The following VWA3B variants were observed in gnomAD, a reference collection of about 807,000 sequenced individuals.
VWA3B encodes the protein von Willebrand factor A domain containing 3B, also known as von Willebrand factor A domain-containing protein 3B.
In VWA3B, 138 loss-of-function variants were observed where a neutral mutation model predicts 158.3. That is an observed-to-expected ratio of 0.87 (90% CI 0.76 to 1.00). The LOEUF (loss-of-function observed/expected upper bound fraction) is 1.00, where lower values mean the gene tolerates loss of function less well. Among genes scored for constraint, VWA3B ranks in the 50% least tolerant of loss-of-function variants. VWA3B has a pLI of 0.00. For synonymous variants in VWA3B, 596 were observed against 587.3 expected, an observed-to-expected ratio of 1.01 and a Z score of -0.21; for missense variants, 1,555 against 1,565.1, an observed-to-expected ratio of 0.99 and a Z score of 0.11.
intron 21 of VWA3B, among the ~76,000 whole-genome samples, chr2:98,260,544 A>G (rs1687416247): frequency 1.3e-5 from 2 of 151,836 alleles, no homozygotes; most frequent in Non-Finnish European, 3.0e-5. Context: ...AGATGTGTGT[A>G]GGTTATATGC....
chr2:98,276,666 G>T (rs1688543268), intron 22 of VWA3B, among the ~76,000 whole-genome samples: 1 of 147,446 alleles, frequency 6.8e-6, no homozygotes, highest in Non-Finnish European at 1.5e-5. Flanking sequence ...GTTTGGAATG[G>T]GCTGCCCATG....
At chr2:98,260,354 A>G (rs970006850) in intron 21 of VWA3B, among the ~76,000 whole-genome samples, 3 of 151,728 alleles carry the variant, frequency 2.0e-5, no homozygotes, top group South Asian at 4.1e-4. Context: ...TGGCCCCTCC[A>G]TGTATTTGGG....
intron 20 of VWA3B, among the ~76,000 whole-genome samples, chr2:98,251,256 T>C (rs564315351): frequency 1.3e-5 from 2 of 152,206 alleles, no homozygotes; most frequent in Non-Finnish European, 2.9e-5. Context: ...ATCTCATGTT[T>C]CCATGAGATC....
chr2:98,206,428 G>A (rs1404914224), intron 12 of VWA3B: 2 of 283,954 alleles, frequency 7.0e-6, no homozygotes, highest in Non-Finnish European at 1.5e-5. Flanking sequence ...AGGGAGACCA[G>A]GCTGGTTTTT....
chr2:98,238,770 CGTGT>C (rs1363781867), intron 19 of VWA3B, among the ~76,000 whole-genome samples: 2 of 152,040 alleles, frequency 1.3e-5, no homozygotes. Flanking sequence ...TGATATCTTA[CGTGT>C]GTGTATCAGT....
At chr2:98,292,957 CTA>C (rs1234631755) in intron 23 of VWA3B, among the ~76,000 whole-genome samples, 2 of 151,508 alleles carry the variant, frequency 1.3e-5, no homozygotes, top group African/African-American at 4.9e-5. Flanking sequence ...GAGTGAGACT[CTA>C]TCTCCAAAAA....
chr2:98,210,492 C>T (rs1056503322), intron 12 of VWA3B, among the ~76,000 whole-genome samples: 4 of 152,246 alleles, frequency 2.6e-5, no homozygotes, highest in African/African-American at 7.2e-5. Context: ...ATGTCTGGCA[C>T]GTGGTACTTA....
At chr2:98,157,608 T>A (rs1678194657) in intron 7 of VWA3B, among the ~76,000 whole-genome samples, 1 of 152,246 alleles carries the variant, frequency 6.6e-6, no homozygotes, top group Non-Finnish European at 1.5e-5. Context: ...GTTATATCGC[T>A]TTCTGAAAAT....
chr2:98,255,180 A>ATTTTTTTTTTTTTTTTTTTTT, intron 20 of VWA3B, among the ~76,000 whole-genome samples: 1 of 65,932 alleles, frequency 1.5e-5, no homozygotes, highest in African/African-American at 6.5e-5. Flanking sequence ...CGCCCGGCTG[A>ATTTTTTTTTTTTTTTTTTTTT]TATTTTTTTT....
At chr2:98,245,798 G>T (rs113736793) in intron 19 of VWA3B, among the ~76,000 whole-genome samples, 3 of 152,138 alleles carry the variant, frequency 2.0e-5, no homozygotes, top group Non-Finnish European at 2.9e-5. Flanking sequence ...CTTTCATTTT[G>T]TTGAGACTGA....
intron 8 of VWA3B, among the ~76,000 whole-genome samples, chr2:98,177,744 T>C (rs550096825): frequency 1.2e-4 from 19 of 152,136 alleles, no homozygotes; most frequent in Non-Finnish European, 8.8e-5. Flanking sequence ...CCTGGTCCAC[T>C]GTGAAGTTGG....
At chr2:98,159,920 G>A (rs1678424995) in intron 7 of VWA3B, among the ~76,000 whole-genome samples, 1 of 151,198 alleles carries the variant, frequency 6.6e-6, no homozygotes, top group Non-Finnish European at 1.5e-5. Context: ...TGAGGCACAA[G>A]AATCGCTTTA....
rs1436102326 is a variant in VWA3B, at chr2:98,188,060, A to G, written c.1397A>G (p.Asn466Ser). The G allele has an allele frequency of 1.1e-5, 17 of 1,613,928 alleles. No homozygotes were observed. Among genetic ancestry groups the G allele is most frequent in the East Asian group, 2.2e-5 (1 of 44,888 alleles). Residue 466 changes from asparagine to serine, a missense_variant, in exon 10 of 28, where the codon AAC becomes AGC. By Grantham distance (46) the Asn-to-Ser change is conservative (BLOSUM62 1). Transcript: ENST00000477737. ...AAGGATGGGAGCTTGGTCCACGTCA[A>G]CATTACCAAAGAGAAGTGCAAGTGG... is the stretch of plus-strand genomic sequence containing the variant. ...PWKDGSLVHV[N>S]ITKEKCKWYS...
chr2:98,097,413 T>C (rs1392745707), intron 2 of VWA3B, among the ~76,000 whole-genome samples: 1 of 152,230 alleles, frequency 6.6e-6, no homozygotes, highest in African/African-American at 2.4e-5. Flanking sequence ...TCCATCCAAG[T>C]TGCTGCAAAA....
intron 22 of VWA3B, among the ~76,000 whole-genome samples, chr2:98,275,563 C>G (rs1369940229): frequency 6.6e-6 from 1 of 152,140 alleles, no homozygotes; most frequent in East Asian, 1.9e-4. Context: ...TTCCAGTCCA[C>G]CTGACTTCAA....
At chr2:98,249,195 C>T (rs983988254) in intron 19 of VWA3B, among the ~76,000 whole-genome samples, 1 of 151,880 alleles carries the variant, frequency 6.6e-6, no homozygotes, top group African/African-American at 2.4e-5. Context: ...TGGAATATAC[C>T]TTTTTGGGAA....
intron 2 of VWA3B, among the ~76,000 whole-genome samples, chr2:98,095,419 G>A (rs1295326382): frequency 6.6e-6 from 1 of 151,908 alleles, no homozygotes; most frequent in Non-Finnish European, 1.5e-5. Context: ...ACACTTTTTT[G>A]GATAGTTTGC....
In VWA3B at chr2:98,128,350, G is replaced by T; in HGVS notation, c.814G>T (p.Ala272Ser). The T allele has an allele frequency of 6.2e-7, 1 of 1,614,048 alleles. No homozygotes were observed. ...TCCAGTCTACACAGTGTCCTTCAAC[G>T]CCAGAGGAGAAGGCACTATAGCTTT... Reference protein sequence around the residue: ...PCPVYTVSFNARGEGTIAFLK... With the variant: ...PCPVYTVSFNSRGEGTIAFLK... The change falls in exon 6 of 28, where the codon GCC becomes TCC. Residue 272 changes from alanine (A) to serine (S), a missense_variant. Transcript: ENST00000477737.
intron 13 of VWA3B, among the ~76,000 whole-genome samples, chr2:98,214,177 C>T (rs530185730): frequency 1.5e-4 from 23 of 150,268 alleles, no homozygotes; most frequent in East Asian, 5.8e-4. Flanking sequence ...GGCAACAGAG[C>T]GAGTCCCTGT....
Sources: gnomAD v4.1 joint callset for allele counts (sites outside exome capture counted in the v4.1 genomes callset) on GRCh38, gnomAD v4.1.1 for gene constraint, MANE v1.5 for transcripts, NCBI Gene and HGNC (gene_info 2026-07-23, HGNC 2026-07-21) for gene names.